Variants in SEC22A observed in about 807,000 individuals in gnomAD.
SEC22A encodes the protein SEC22 homolog A, vesicle trafficking protein.
In SEC22A, 22 loss-of-function variants were observed where a neutral mutation model predicts 35.3. The ratio of observed to expected loss-of-function variants is 0.62; its 90% CI spans 0.45 to 0.89. The LOEUF is 0.89. Among genes scored for constraint, SEC22A ranks in the 40% least tolerant of loss-of-function variants. The probability of loss-of-function intolerance (pLI) is 0.00; values close to 1 mark genes in which losing one functional copy is unlikely to be tolerated. For missense variants in SEC22A, 354 were observed against 362.5 expected (o/e 0.98, Z 0.19); for synonymous variants, 119 against 129.5 (o/e 0.92, Z 0.55).
At position 123,223,682 on chromosome 3, in the gene SEC22A, G is replaced by A; in HGVS notation, c.306G>A (p.Lys102=). Residue 102 remains lysine, a synonymous_variant, in exon 3 of 7, where the codon AAG becomes AAA. Transcript: ENST00000492595. ...TCATTACTACTTATAACATGATGAA[G>A]ACAAATACTGCTGTCAGACCATACT... ...KEFITTYNMM[K]TNTAVRPYCF... 1 of 1,613,500 alleles carries A rather than the reference G, an allele frequency of 6.2e-7. No individual in the cohort carries two copies. Among genetic ancestry groups the A allele is most frequent in the Non-Finnish European group, 8.5e-7 (1 of 1,179,702 alleles).
Position 123,234,814 on chromosome 3 carries a change from T to G in SEC22A, c.541+9517T>G, listed in dbSNP as rs576769885. Among the ~76,000 whole-genome samples, 5 of 152,120 alleles carry G rather than the reference T, an allele frequency of 3.3e-5. No homozygotes were observed. In the East Asian group the frequency reaches 9.7e-4, roughly 29 times the overall value. Reference sequence around the variant, plus strand: ...AAGACAGGCAGATCGCTTGGTCCCATGAGTTCGAGACCAGCCTGGGCAACA... The same window carrying G: ...AAGACAGGCAGATCGCTTGGTCCCAGGAGTTCGAGACCAGCCTGGGCAACA... On this transcript the variant is annotated intron_variant, in intron 4 of 6. Transcript: ENST00000492595.
chr3:123,207,663 G>T (rs1240102465), intron 1 of SEC22A, among the ~76,000 whole-genome samples: 1 of 152,176 alleles, frequency 6.6e-6, no homozygotes, highest in Non-Finnish European at 1.5e-5. Flanking sequence ...AATTTTGAGG[G>T]CAGAGCTCAG....
chr3:123,246,002 A>G lies in SEC22A; in HGVS notation c.645A>G (p.Glu215=), dbSNP rs886920249. The G allele has an allele frequency of 6.3e-7, 1 of 1,599,074 alleles. No homozygotes were observed. The change falls in exon 5 of 7, where the codon GAA becomes GAG. Residue 215 remains glutamate, a synonymous_variant. Transcript: ENST00000492595. ...TAATTCGAGGCTTTCATGCTATAGA[A>G]AGTCTCCTGCAGGTACTGTGCTATT... The part of the protein sequence containing the change: ...LNLIRGFHAI[E]SLLQSDGDDF...
chr3:123,270,782 C>T (rs1017479455), intron 6 of SEC22A, among the ~76,000 whole-genome samples: 4 of 152,104 alleles, frequency 2.6e-5, no homozygotes, highest in South Asian at 2.1e-4. Context: ...CTTTCTTGAC[C>T]GTTTCATCTA....
chr3:123,212,866 G>A (rs1188068234), intron 2 of SEC22A, among the ~76,000 whole-genome samples: 5 of 152,178 alleles, frequency 3.3e-5, no homozygotes, highest in South Asian at 2.1e-4. Context: ...AGATATTACC[G>A]TTGAGTTTCC....
chr3:123,231,190 A>G (rs1937318910), intron 4 of SEC22A, among the ~76,000 whole-genome samples: 1 of 152,216 alleles, frequency 6.6e-6, no homozygotes, highest in African/African-American at 2.4e-5. Context: ...GAATACAGAA[A>G]TAGACAATTG....
intron 6 of SEC22A, among the ~76,000 whole-genome samples, chr3:123,267,957 T>G (rs1393976372): frequency 6.6e-6 from 1 of 152,210 alleles, no homozygotes; most frequent in East Asian, 1.9e-4. Flanking sequence ...AAATGAATTA[T>G]CTTGTTACTG....
intron 1 of SEC22A, among the ~76,000 whole-genome samples, chr3:123,205,637 A>G (rs139726688): frequency 0.033 from 5,063 of 152,230 alleles, 129 homozygotes; most frequent in Middle Eastern, 0.061. Context: ...GCAGTGAGCC[A>G]TTGCACTCCA....
At position 123,233,303 on chromosome 3, in the gene SEC22A, AT is replaced by A. The variant is rs200262071; in HGVS notation, c.541+8007del. 5.8e-3 allele frequency among the ~76,000 whole-genome samples: 882 copies of A among 152,332 alleles called. 8 individuals are homozygous for A. Among genetic ancestry groups the A allele is most frequent in the African/African-American group, 0.02 (830 of 41,574 alleles). On this transcript the variant is annotated intron_variant, in intron 4 of 6. Coordinates refer to ENST00000492595, the MANE Select transcript of SEC22A (RefSeq NM_012430.5). ...AGTCTACAGTAGCCAGTACGATAAC[AT>A]GCTGCACAGGTTTGTAACCCAGGAG...
intron 1 of SEC22A, among the ~76,000 whole-genome samples, chr3:123,205,614 G>T (rs1296933666): frequency 6.6e-6 from 1 of 152,090 alleles, no homozygotes; most frequent in Non-Finnish European, 1.5e-5. Flanking sequence ...CTTGAACCTG[G>T]GAGGCAGAGG....
intron 5 of SEC22A, among the ~76,000 whole-genome samples, chr3:123,251,374 C>T (rs1010811113): frequency 1.3e-5 from 2 of 152,088 alleles, no homozygotes; most frequent in Non-Finnish European, 2.9e-5. Context: ...ATACAGAATC[C>T]TTTCTTTTGT....
intron 2 of SEC22A, among the ~76,000 whole-genome samples, chr3:123,213,875 G>T (rs374504416): frequency 1.9e-4 from 29 of 152,150 alleles, no homozygotes; most frequent in South Asian, 1.7e-3. Context: ...AAAATCAGGG[G>T]AGTAACATTT....
intron 1 of SEC22A, among the ~76,000 whole-genome samples, chr3:123,202,794 A>G (rs528748638): frequency 5.9e-4 from 90 of 152,314 alleles, no homozygotes; most frequent in Non-Finnish European, 7.5e-4. Context: ...GAGCAAAAGT[A>G]TCAGCCACCA....
chr3:123,269,571 G>T (rs1475965793), intron 6 of SEC22A, among the ~76,000 whole-genome samples: 1 of 151,438 alleles, frequency 6.6e-6, no homozygotes, highest in Non-Finnish European at 1.5e-5. Context: ...CCAAGTTGAG[G>T]GACATTCCTA....
intron 4 of SEC22A, among the ~76,000 whole-genome samples, chr3:123,229,699 C>G (rs983836834): frequency 6.6e-6 from 1 of 151,626 alleles, no homozygotes; most frequent in African/African-American, 2.4e-5. Flanking sequence ...CCGTCTCTAC[C>G]TAAAATACAA....
At chr3:123,261,986 C>T (rs1470750555) in intron 6 of SEC22A, among the ~76,000 whole-genome samples, 1 of 152,170 alleles carries the variant, frequency 6.6e-6, no homozygotes, top group African/African-American at 2.4e-5. Flanking sequence ...AAAAGAAAAG[C>T]AGAAAACTAA....
At chr3:123,246,761 ACT>A (rs1417142751) in intron 5 of SEC22A, among the ~76,000 whole-genome samples, 2 of 152,072 alleles carry the variant, frequency 1.3e-5, no homozygotes, top group African/African-American at 2.4e-5. Flanking sequence ...AACTCTTGAC[ACT>A]CTCACATTAT....
intron 1 of SEC22A, 113 bp from the exon 2 acceptor site, chr3:123,209,086 C>A: frequency 2.5e-6 from 2 of 802,598 alleles, no homozygotes; most frequent in Non-Finnish European, 4.0e-6. Context: ...AGCCACCACA[C>A]CTGGCCATTT....
intron 6 of SEC22A, among the ~76,000 whole-genome samples, chr3:123,262,816 T>C (rs1937923084): frequency 6.6e-6 from 1 of 152,210 alleles, no homozygotes; most frequent in Non-Finnish European, 1.5e-5. Flanking sequence ...TTAAAGTAAG[T>C]TTTAGACATA....
Sources: allele counts gnomAD v4.1 joint callset (sites outside exome capture counted in the v4.1 genomes callset), GRCh38; gene constraint gnomAD v4.1.1; transcripts MANE v1.5; gene names NCBI Gene and HGNC (gene_info 2026-07-23, HGNC 2026-07-21).